The following SP140 variants were observed in gnomAD, a reference collection of about 807,000 sequenced individuals.
The protein encoded by SP140 is SP140 nuclear body protein.
In SP140, 81 loss-of-function variants were observed where a neutral mutation model predicts 125.0. The observed-to-expected ratio is 0.65, with a 90% confidence interval of 0.54 to 0.78. The LOEUF is 0.78. Among genes scored for constraint, SP140 ranks in the 30% least tolerant of loss-of-function variants. The pLI is 0.00. For missense variants in SP140, 858 were observed against 1,037.0 expected (o/e 0.83, Z 2.37); for synonymous variants, 312 against 354.0 (o/e 0.88, Z 1.33).
chr2:230,254,216 T>A (rs1233023950), intron 11 of SP140, among the ~76,000 whole-genome samples: 4 of 151,716 alleles, frequency 2.6e-5, no homozygotes, highest in Non-Finnish European at 4.4e-5. Context: ...CCATGAAGAG[T>A]GCAAACTATG....
At chr2:230,256,545 A>G (rs1015559458) in intron 12 of SP140, among the ~76,000 whole-genome samples, 16 of 131,910 alleles carry the variant, frequency 1.2e-4, no homozygotes, top group African/African-American at 3.7e-4. Context: ...GGGGGGAGGG[A>G]TAGCATTAGG....
chr2:230,191,181 G>A, the SP140 span, among the ~76,000 whole-genome samples: 1 of 152,078 alleles, frequency 6.6e-6, no homozygotes, highest in African/African-American at 2.4e-5. Flanking sequence ...GCCCACATCA[G>A]GAAGCTAGAA....
intron 9 of SP140, among the ~76,000 whole-genome samples, chr2:230,249,709 A>G (rs1356876097): frequency 6.6e-6 from 1 of 152,194 alleles, no homozygotes; most frequent in African/African-American, 2.4e-5. Context: ...GCAGAGAAAG[A>G]AACAGATCAA....
At chr2:230,308,778 G>A (rs775401286) in intron 22 of SP140, among the ~76,000 whole-genome samples, 4 of 152,238 alleles carry the variant, frequency 2.6e-5, no homozygotes, top group Non-Finnish European at 5.9e-5. Flanking sequence ...AACCTTACCT[G>A]CAGCAGCAGA....
chr2:230,309,881 A>G, intron 22 of SP140, 43 bp from the exon 23 acceptor site: 1 of 1,608,336 alleles, frequency 6.2e-7, no homozygotes. Flanking sequence ...GCCTTCCTGA[A>G]TCTTGCGGTT....
chr2:230,226,043 T>C (rs186924422), intron 1 of SP140, 140 bp downstream of exon 1: 1 of 700,324 alleles, frequency 1.4e-6, no homozygotes, highest in East Asian at 2.8e-5. Flanking sequence ...GGCAATCAGA[T>C]TTTTTAAATT....
chr2:230,251,070 G>T lies in SP140; in HGVS notation c.1057+9G>T, dbSNP rs762794095. 8.7e-6 allele frequency: 14 copies of T among 1,611,580 alleles called. No homozygotes were observed. In the East Asian group the frequency reaches 3.1e-4, roughly 36 times the overall value. On this transcript the variant is annotated intron_variant, in intron 10 of 26. Transcript: ENST00000392045. ...AGCAAGATGTGGGTCAGGTAAAGAAGGGGAGGATTTCTGGCCCTGGGCTGC... is the reference window on the plus strand; with the variant it reads ...AGCAAGATGTGGGTCAGGTAAAGAATGGGAGGATTTCTGGCCCTGGGCTGC...
intron 3 of SP140, chr2:230,216,653 T>G: frequency 8.8e-7 from 1 of 1,131,952 alleles, no homozygotes; most frequent in Non-Finnish European, 1.3e-6. Context: ...CCACCTTCTG[T>G]GATAATGAAC....
chr2:230,305,949 A>G (rs1212137931), intron 22 of SP140, among the ~76,000 whole-genome samples: 1 of 152,220 alleles, frequency 6.6e-6, no homozygotes, highest in African/African-American at 2.4e-5. Flanking sequence ...CAGGGTCACA[A>G]GCCAGGAGAG....
chr2:230,284,204 CT>C, intron 15 of SP140, 141 bp from the exon 16 acceptor site: 3 of 749,698 alleles, frequency 4.0e-6, no homozygotes, highest in Non-Finnish European at 6.4e-6. Context: ...AACCTCCACG[CT>C]GCTACACTGA....
chr2:230,230,299 G>A (rs2047064009), intron 1 of SP140: 1 of 152,216 alleles, frequency 6.6e-6, no homozygotes, highest in Non-Finnish European at 1.5e-5. Flanking sequence ...AGGGGTCACA[G>A]GACCTGGTTA....
At chr2:230,303,050 T>C (rs1211187214) in intron 22 of SP140, among the ~76,000 whole-genome samples, 1 of 150,364 alleles carries the variant, frequency 6.7e-6, no homozygotes, top group Non-Finnish European at 1.5e-5. Flanking sequence ...AGAAAAGAAA[T>C]AACAAAGATC....
At chr2:230,268,447 C>T (rs2053452028) in intron 12 of SP140, among the ~76,000 whole-genome samples, 1 of 151,718 alleles carries the variant, frequency 6.6e-6, no homozygotes, top group African/African-American at 2.4e-5. Context: ...ATCTCTTGAA[C>T]CCAGGAGGCG....
chr2:230,213,441 T>C (rs2044722598), intron 1 of SP140, among the ~76,000 whole-genome samples: 1 of 152,186 alleles, frequency 6.6e-6, no homozygotes, highest in South Asian at 2.1e-4. Context: ...AAAATAAAAA[T>C]TCCTTAGCAG....
chr2:230,198,225 G>A (rs968794593), upstream of SP140, among the ~76,000 whole-genome samples: 5 of 152,258 alleles, frequency 3.3e-5, no homozygotes, highest in Non-Finnish European at 4.4e-5. Context: ...TTCCACAGGC[G>A]GGAAAAGAAT....
intron 6 of SP140, 39 bp from the exon 7 acceptor site, chr2:230,245,824 A>G (rs1407587071): frequency 7.4e-7 from 1 of 1,345,298 alleles, no homozygotes; most frequent in East Asian, 2.3e-5. Flanking sequence ...TGTCCAGGTC[A>G]CTGCCAATTG....
Position 230,255,440 on chromosome 2 carries a change from T to G in SP140, c.1160-12T>G. 1 of 1,613,830 alleles carries G rather than the reference T, an allele frequency of 6.2e-7. No homozygotes were observed. Reference sequence around the variant, plus strand: ...TACTGAGACCTCTGAGGGATTTCCTTCCTTTCTGCAGAGGGCAGTGATGAC... The same window carrying G: ...TACTGAGACCTCTGAGGGATTTCCTGCCTTTCTGCAGAGGGCAGTGATGAC... On this transcript the variant is annotated splice_polypyrimidine_tract_variant and intron_variant, in intron 11 of 26. Coordinates refer to ENST00000392045, the MANE Select transcript of SP140 (RefSeq NM_007237.5).
intron 3 of SP140, 150 bp from the exon 4 acceptor site, chr2:230,241,254 G>A (rs1012260852): frequency 6.4e-5 from 41 of 644,782 alleles, no homozygotes; most frequent in Non-Finnish European, 1.1e-4. Context: ...TAAGATATGT[G>A]CCTCTCAATG....
At chr2:230,223,039 CTT>C (rs34477714), upstream of SP140, among the ~76,000 whole-genome samples, 26 of 136,726 alleles carry the variant, frequency 1.9e-4, no homozygotes, top group Admixed American at 2.2e-4. Flanking sequence ...ATCAGTCTGA[CTT>C]TTTTTTTTTT....
Sources: gnomAD v4.1 joint callset for allele counts (sites outside exome capture counted in the v4.1 genomes callset) on GRCh38, gnomAD v4.1.1 for gene constraint, MANE v1.5 for transcripts, NCBI Gene and HGNC (gene_info 2026-07-23, HGNC 2026-07-21) for gene names.